KCNMA1: variants seen among roughly 807,000 people sequenced by gnomAD.
KCNMA1 encodes the protein potassium calcium-activated channel subfamily M alpha 1.
In KCNMA1, 29 loss-of-function variants were observed where a neutral mutation model predicts 140.0. The observed-to-expected ratio is 0.21, with a 90% CI of 0.15 to 0.28. The LOEUF (loss-of-function observed/expected upper bound fraction) is 0.28, where lower values mean the gene tolerates loss of function less well. Among genes scored for constraint, KCNMA1 ranks in the 10% least tolerant of loss-of-function variants. The pLI is 1.00. For missense variants in KCNMA1, 880 were observed against 1,602.2 expected (o/e 0.55, Z 7.70); for synonymous variants, 612 against 611.9 (o/e 1.00, Z 0.00).
intron 1 of KCNMA1, among the ~76,000 whole-genome samples, chr10:77,555,057 T>TACACACACACACACACAC (rs111952376): frequency 1.8e-4 from 28 of 151,526 alleles, no homozygotes; most frequent in Admixed American, 4.6e-4. Flanking sequence ...TCTTACCACA[T>TACACACACACACACACAC]ACACACACGC....
At chr10:76,927,805 G>A (rs544439200) in intron 23 of KCNMA1, among the ~76,000 whole-genome samples, 11 of 152,164 alleles carry the variant, frequency 7.2e-5, no homozygotes, top group Non-Finnish European at 1.6e-4. Context: ...TAGTTTTGTT[G>A]TTGGTAATTA....
At chr10:77,614,162 G>C (rs936014301) in intron 1 of KCNMA1, among the ~76,000 whole-genome samples, 4 of 152,210 alleles carry the variant, frequency 2.6e-5, no homozygotes, top group African/African-American at 9.6e-5. Flanking sequence ...GAGAGAGCCA[G>C]AAAACAAAGA....
At chr10:77,633,548 G>A (rs1202628569) in intron 1 of KCNMA1, among the ~76,000 whole-genome samples, 3 of 152,170 alleles carry the variant, frequency 2.0e-5, no homozygotes, top group Non-Finnish European at 4.4e-5. Flanking sequence ...AGAGCTCCAC[G>A]GCACTGAAGC....
intron 23 of KCNMA1, among the ~76,000 whole-genome samples, chr10:76,915,739 T>C (rs747483948): frequency 2.6e-5 from 4 of 152,194 alleles, no homozygotes; most frequent in Non-Finnish European, 5.9e-5. Flanking sequence ...CACAGAGTTC[T>C]GGCCAATGGG....
intron 23 of KCNMA1, among the ~76,000 whole-genome samples, chr10:76,944,294 T>G (rs1175409784): frequency 6.6e-6 from 1 of 152,160 alleles, no homozygotes; most frequent in Non-Finnish European, 1.5e-5. Context: ...CTAAATGACT[T>G]TTAGTGTCCA....
intron 2 of KCNMA1, among the ~76,000 whole-genome samples, chr10:77,367,398 A>G (rs1490348423): frequency 1.3e-5 from 2 of 152,162 alleles, no homozygotes; most frequent in Non-Finnish European, 2.9e-5. Context: ...AAATGAGCTG[A>G]ATCTGCATGT....
intron 25 of KCNMA1, among the ~76,000 whole-genome samples, chr10:76,906,570 A>G (rs1348787436): frequency 6.6e-6 from 1 of 152,204 alleles, no homozygotes; most frequent in African/African-American, 2.4e-5. Context: ...ACATGATTAA[A>G]TGACAATTTG....
intron 1 of KCNMA1, among the ~76,000 whole-genome samples, chr10:77,531,053 C>A (rs1225362016): frequency 6.6e-6 from 1 of 152,138 alleles, no homozygotes; most frequent in African/African-American, 2.4e-5. Flanking sequence ...ACCTCTTAGG[C>A]CAAACAAAGC....
At chr10:77,472,770 A>C (rs2098193340) in intron 1 of KCNMA1, among the ~76,000 whole-genome samples, 1 of 152,138 alleles carries the variant, frequency 6.6e-6, no homozygotes, top group Non-Finnish European at 1.5e-5. Flanking sequence ...ATCTGTGGAG[A>C]GCGCTGGAGC....
chr10:77,488,309 G>A (rs2098485409), intron 1 of KCNMA1, among the ~76,000 whole-genome samples: 1 of 152,216 alleles, frequency 6.6e-6, no homozygotes, highest in Non-Finnish European at 1.5e-5. Context: ...GGGGAAGGGG[G>A]ATGGCATCCT....
intron 1 of KCNMA1, among the ~76,000 whole-genome samples, chr10:77,472,296 ACAT>A (rs1324625551): frequency 6.6e-6 from 1 of 151,522 alleles, no homozygotes; most frequent in African/African-American, 2.4e-5. Flanking sequence ...TGTCACACAC[ACAT>A]CACACACACA....
intron 2 of KCNMA1, among the ~76,000 whole-genome samples, chr10:77,288,682 T>C (rs117814648): frequency 0.012 from 1,786 of 152,276 alleles, 15 homozygotes; most frequent in Non-Finnish European, 0.017. Context: ...TCTCCAGAAA[T>C]GCTGCTTTTA....
chr10:77,003,792 G>A lies in KCNMA1; in HGVS notation c.2093-2212C>T, dbSNP rs180929776. ...GAAAGAAAGTTCTTATAAATATACC[G>A]TCTTTAAGGATAAGGGGAGGGATGA... On this transcript the variant is annotated intron_variant, in intron 18 of 27. Transcript: ENST00000286628. 1.4e-4 allele frequency among the ~76,000 whole-genome samples: 22 copies of A among 152,224 alleles called. No homozygotes were observed. In the East Asian group the frequency reaches 1.7e-3, roughly 12 times the overall value.
intron 2 of KCNMA1, chr10:77,313,985 A>AC (rs1459036289): frequency 6.6e-6 from 1 of 152,200 alleles, no homozygotes; most frequent in Non-Finnish European, 1.5e-5. Context: ...ATGAGTCCTG[A>AC]CCGTCATTTT....
chr10:77,414,572 G>A (rs1178367310), intron 1 of KCNMA1, among the ~76,000 whole-genome samples: 1 of 152,046 alleles, frequency 6.6e-6, no homozygotes, highest in Non-Finnish European at 1.5e-5. Flanking sequence ...GCTCACTGCA[G>A]CCTCCGCCTC....
chr10:77,199,981 C>T (rs1479803064), intron 3 of KCNMA1, among the ~76,000 whole-genome samples: 1 of 152,060 alleles, frequency 6.6e-6, no homozygotes, highest in Non-Finnish European at 1.5e-5. Flanking sequence ...GACAGAGTTT[C>T]ACTCTGTCAC....
intron 1 of KCNMA1, chr10:77,586,269 C>T (rs1319736529): frequency 2.0e-5 from 3 of 152,214 alleles, no homozygotes; most frequent in Admixed American, 1.3e-4. Flanking sequence ...CCCACCCACA[C>T]TCTTGGTTCT....
chr10:77,106,344 G>T (rs2153837166), intron 9 of KCNMA1, among the ~76,000 whole-genome samples: 1 of 152,270 alleles, frequency 6.6e-6, no homozygotes, highest in East Asian at 1.9e-4. Flanking sequence ...AGAGTGGCAG[G>T]AAGTCTGTGA....
intron 2 of KCNMA1, among the ~76,000 whole-genome samples, chr10:77,317,934 C>G (rs1206985992): frequency 1.3e-5 from 2 of 152,172 alleles, no homozygotes; most frequent in East Asian, 3.9e-4. Flanking sequence ...TTGCTTGACT[C>G]CTGGGTTGAG....
Sources: allele counts gnomAD v4.1 joint callset (sites outside exome capture counted in the v4.1 genomes callset), GRCh38; gene constraint gnomAD v4.1.1; transcripts MANE v1.5; gene names NCBI Gene and HGNC (gene_info 2026-07-23, HGNC 2026-07-21).